Variants in CNKSR2 observed in about 807,000 individuals in gnomAD.
CNKSR2 encodes CNK homolog protein 2.
CNKSR2 carries 14 observed loss-of-function variants against 84.4 expected under a neutral mutation model. The observed-to-expected ratio is 0.17, with a 90% CI of 0.11 to 0.26. CNKSR2 has a LOEUF of 0.26. Among genes scored for constraint, CNKSR2 ranks in the 10% least tolerant of loss-of-function variants. The pLI is 1.00. For missense variants in CNKSR2, 485 were observed against 771.2 expected, an observed-to-expected ratio of 0.63 and a Z score of 4.40; for synonymous variants, 275 against 277.9, an observed-to-expected ratio of 0.99 and a Z score of 0.10.
intron 11 of CNKSR2, among the ~76,000 whole-genome samples, chrX:21,553,472 T>C (rs2092111299): frequency 9.3e-6 from 1 of 107,677 alleles, no homozygotes; most frequent in African/African-American, 3.5e-5. Context: ...ATTGTCTTAT[T>C]TTTGTTCTGT....
intron 17 of CNKSR2, 53 bp downstream of exon 17, chrX:21,595,448 T>C (rs1158917701): frequency 5.6e-6 from 4 of 711,547 alleles, no homozygotes; most frequent in Admixed American, 3.0e-5. Flanking sequence ...ATTCTAAATT[T>C]TCTACAGTAA....
chrX:21,503,422 A>G (rs2091579308), intron 8 of CNKSR2: 2 of 284,876 alleles, frequency 7.0e-6, no homozygotes, highest in African/African-American at 2.8e-5. Context: ...TGTGCCAAGC[A>G]TCATGTTAAG....
At chrX:21,605,202 A>G (rs967119960) in intron 18 of CNKSR2, among the ~76,000 whole-genome samples, 2 of 111,798 alleles carry the variant, frequency 1.8e-5, no homozygotes, top group African/African-American at 6.5e-5. Context: ...CTGTCTGACT[A>G]TATAGTTAAT....
At chrX:21,538,495 A>C (rs1419094925) in intron 11 of CNKSR2, 1 of 111,345 alleles carries the variant, frequency 9.0e-6, no homozygotes, top group African/African-American at 3.3e-5. Context: ...AAAACTTGGG[A>C]AGTTTTTAGC....
intron 20 of CNKSR2, among the ~76,000 whole-genome samples, chrX:21,624,242 A>C (rs1030232868): frequency 1.8e-5 from 2 of 112,145 alleles, no homozygotes; most frequent in Non-Finnish European, 3.8e-5. Flanking sequence ...AGTTTGTTTT[A>C]CTTGACAGTC....
At chrX:21,527,256 A>G (rs1334216068) in intron 10 of CNKSR2, among the ~76,000 whole-genome samples, 2 of 110,803 alleles carry the variant, frequency 1.8e-5, no homozygotes, top group Non-Finnish European at 3.8e-5. Context: ...GAAGAAAGTA[A>G]TATTAAATAA....
chrX:21,509,560 T>G (rs2091649790), intron 8 of CNKSR2, among the ~76,000 whole-genome samples: 1 of 111,688 alleles, frequency 9.0e-6, no homozygotes, highest in Admixed American at 9.5e-5. Context: ...AAAAATCACT[T>G]ATTTGCATAG....
At chrX:21,615,390 G>T (rs1190320715) in intron 20 of CNKSR2, among the ~76,000 whole-genome samples, 2 of 111,802 alleles carry the variant, frequency 1.8e-5, no homozygotes. Context: ...AGTAATCCTA[G>T]CTTAGAATAC....
At chrX:21,392,234 G>A (rs1166158763) in intron 1 of CNKSR2, among the ~76,000 whole-genome samples, 1 of 111,687 alleles carries the variant, frequency 9.0e-6, no homozygotes, top group Non-Finnish European at 1.9e-5. Flanking sequence ...CCATTACCAA[G>A]TTCCAAAACT....
At chrX:21,396,428 A>G (rs897375088) in intron 1 of CNKSR2, among the ~76,000 whole-genome samples, 4 of 111,230 alleles carry the variant, frequency 3.6e-5, no homozygotes, top group African/African-American at 1.3e-4. Flanking sequence ...TGAATGCATC[A>G]AACAGATTTT....
chrX:21,649,647 G>A (rs902017815), intron 21 of CNKSR2, among the ~76,000 whole-genome samples: 3 of 111,910 alleles, frequency 2.7e-5, no homozygotes, highest in African/African-American at 9.8e-5. Context: ...GGTGAGGACA[G>A]GAGAGCAGAG....
chrX:21,416,082 C>T, intron 1 of CNKSR2, among the ~76,000 whole-genome samples: 1 of 111,100 alleles, frequency 9.0e-6, no homozygotes, highest in East Asian at 2.8e-4. Context: ...GTGGGACTGC[C>T]ATATATGGCA....
intron 17 of CNKSR2, among the ~76,000 whole-genome samples, chrX:21,597,029 A>G (rs1368236848): frequency 1.8e-5 from 2 of 111,726 alleles, no homozygotes; most frequent in African/African-American, 3.2e-5. Context: ...AATTTTCATC[A>G]TGACCACACT....
chrX:21,587,476 A>G (rs1194537858), intron 13 of CNKSR2, among the ~76,000 whole-genome samples: 1 of 111,941 alleles, frequency 8.9e-6, no homozygotes, highest in African/African-American at 3.2e-5. Flanking sequence ...GGCCTCTTTC[A>G]TTTTTCAGTT....
chrX:21,576,079 C>G lies in CNKSR2; in HGVS notation c.1608+12627C>G, dbSNP rs761593710. On this transcript the variant is annotated intron_variant, in intron 13 of 21. Transcript: ENST00000379510. ...GGGTACAGAAGTACTGAATGACTGT[C>G]CACCAGCAGTTTCTAACTGACACCC... Among the ~76,000 whole-genome samples the G allele has an allele frequency of 7.5e-4, 84 of 112,118 alleles. 1 individual carries two copies. Among genetic ancestry groups the G allele is most frequent in the Non-Finnish European group, 1.4e-3 (74 of 53,217 alleles).
At chrX:21,608,923 T>G in intron 19 of CNKSR2, 148 bp from the exon 20 acceptor site, 25 of 857,661 alleles carry the variant, frequency 2.9e-5, no homozygotes, top group Non-Finnish European at 3.6e-5. Flanking sequence ...GGCCTAACTT[T>G]GAGATGTCTG....
At chrX:21,498,517 A>G (rs1332859436) in intron 7 of CNKSR2, among the ~76,000 whole-genome samples, 1 of 112,088 alleles carries the variant, frequency 8.9e-6, no homozygotes, top group African/African-American at 3.2e-5. Context: ...ATGGCAGTGT[A>G]ATTTTGGGCA....
chrX:21,452,753 C>CTTATTTTATTTTATTTTATTTTATT (rs3050694), intron 4 of CNKSR2, among the ~76,000 whole-genome samples: 10 of 86,853 alleles, frequency 1.2e-4, no homozygotes, highest in African/African-American at 4.9e-4. Context: ...ACAAGCATGA[C>CTTATTTTATTTTATTTTATTTTATT]TTATTTTATT....
chrX:21,441,459 C>T (rs1048203864), intron 4 of CNKSR2: 19 of 110,798 alleles, frequency 1.7e-4, no homozygotes, highest in African/African-American at 5.5e-4. Context: ...TATTTAGACT[C>T]GACTTTTCTC....
Sources: allele counts gnomAD v4.1 joint callset (sites outside exome capture counted in the v4.1 genomes callset), GRCh38; gene constraint gnomAD v4.1.1; transcripts MANE v1.5; gene names NCBI Gene and HGNC (gene_info 2026-07-23, HGNC 2026-07-21).